Variants in DEUP1 observed in about 807,000 individuals in gnomAD.
DEUP1 encodes the protein deuterosome assembly protein 1.
A neutral mutation model predicts 87.4 loss-of-function variants in DEUP1; 82 were observed. The ratio of observed to expected loss-of-function variants is 0.94; its 90% CI spans 0.78 to 1.13. The LOEUF (loss-of-function observed/expected upper bound fraction) is 1.13. DEUP1 is among the 50% of genes most tolerant of loss of function. The probability of loss-of-function intolerance (pLI) is 0.00; values close to 1 mark genes in which losing one functional copy is unlikely to be tolerated. For missense variants in DEUP1, 663 were observed against 681.5 expected (o/e 0.97, Z 0.30); for synonymous variants, 214 against 222.7 (o/e 0.96, Z 0.35).
At chr11:93,402,570 G>A (rs554221735) in intron 11 of DEUP1, among the ~76,000 whole-genome samples, 52 of 152,132 alleles carry the variant, frequency 3.4e-4, no homozygotes, top group African/African-American at 1.1e-3. Flanking sequence ...GTTTATTGCA[G>A]CATTATTTTC....
At chr11:93,415,828 C>T (rs1345772945) in intron 13 of DEUP1, among the ~76,000 whole-genome samples, 1 of 151,618 alleles carries the variant, frequency 6.6e-6, no homozygotes, top group Non-Finnish European at 1.5e-5. Flanking sequence ...ATTTTTGTTT[C>T]TCTATACTAA....
intron 7 of DEUP1, among the ~76,000 whole-genome samples, chr11:93,382,729 CCTT>C (rs1459412626): frequency 6.6e-6 from 1 of 152,146 alleles, no homozygotes; most frequent in Non-Finnish European, 1.5e-5. Flanking sequence ...CCACATAGTG[CCTT>C]CTTCAACTGG....
chr11:93,400,558 A>T (rs528155318), intron 11 of DEUP1, among the ~76,000 whole-genome samples: 1 of 152,248 alleles, frequency 6.6e-6, no homozygotes, highest in African/African-American at 2.4e-5. Context: ...TTTACACTAT[A>T]AAGACCCTAT....
At chr11:93,432,467 A>G (rs1948133094) in intron 13 of DEUP1, among the ~76,000 whole-genome samples, 1 of 152,208 alleles carries the variant, frequency 6.6e-6, no homozygotes, top group African/African-American at 2.4e-5. Context: ...TTCACTGACC[A>G]CATGATATTT....
chr11:93,415,180 C>G (rs960722262), intron 13 of DEUP1, 66 bp downstream of exon 13: 2 of 924,042 alleles, frequency 2.2e-6, no homozygotes, highest in Admixed American at 2.0e-5. Context: ...ACACTGATGT[C>G]AATAAACTGA....
intron 13 of DEUP1, among the ~76,000 whole-genome samples, chr11:93,436,226 A>G (rs1192915911): frequency 6.6e-6 from 1 of 152,148 alleles, no homozygotes; most frequent in East Asian, 1.9e-4. Context: ...TCCCTTTAAC[A>G]TACTTGCCAC....
intron 13 of DEUP1, among the ~76,000 whole-genome samples, chr11:93,417,984 A>G (rs1029671865): frequency 1.3e-5 from 2 of 151,806 alleles, no homozygotes; most frequent in African/African-American, 4.8e-5. Flanking sequence ...CCATATGTAG[A>G]AAGCTGAAAC....
chr11:93,367,607 A>AT (rs1383857822), intron 5 of DEUP1, among the ~76,000 whole-genome samples: 5 of 152,070 alleles, frequency 3.3e-5, no homozygotes, highest in African/African-American at 7.2e-5. Context: ...ATATTCCTTG[A>AT]TTTTTTCTTT....
At chr11:93,403,677 T>C (rs1394661354) in intron 11 of DEUP1, among the ~76,000 whole-genome samples, 1 of 151,768 alleles carries the variant, frequency 6.6e-6, no homozygotes, top group African/African-American at 2.4e-5. Context: ...AATTTTATTA[T>C]TTTTAGTTTC....
chr11:93,389,500 G>T (rs370317551), intron 9 of DEUP1, among the ~76,000 whole-genome samples: 1 of 151,998 alleles, frequency 6.6e-6, no homozygotes, highest in African/African-American at 2.4e-5. Flanking sequence ...GAAATAATTG[G>T]TACCTACCTC....
Position 93,346,766 on chromosome 11 carries a change from G to A in DEUP1, c.30-8605G>A, listed in dbSNP as rs184850022. 2.9e-4 allele frequency among the ~76,000 whole-genome samples: 44 copies of A among 152,182 alleles called. 1 individual carries two copies. The highest frequency in any genetic ancestry group is 2.5e-3 in the Admixed American group (38 of 15,280). On this transcript the variant is annotated intron_variant, in intron 2 of 13. Transcript: ENST00000298050. ...ATTGTAGAGATCTTCCAGTTCCCTC[G>A]TGAGCTGTATTCCTAAGTATTTTAT...
At chr11:93,340,842 C>A (rs1944032055) in intron 2 of DEUP1, among the ~76,000 whole-genome samples, 1 of 152,162 alleles carries the variant, frequency 6.6e-6, no homozygotes, top group South Asian at 2.1e-4. Context: ...GGAGAAAATG[C>A]AAGCTTGGTT....
At chr11:93,372,933 T>G (rs1286853877) in intron 7 of DEUP1, among the ~76,000 whole-genome samples, 1 of 152,236 alleles carries the variant, frequency 6.6e-6, no homozygotes, top group Non-Finnish European at 1.5e-5. Flanking sequence ...CACCTCCGAC[T>G]GTCTGAGCTG....
chr11:93,414,920 C>G, intron 12 of DEUP1, 80 bp from the exon 13 acceptor site: 1 of 739,812 alleles, frequency 1.4e-6, no homozygotes, highest in Non-Finnish European at 2.1e-6. Context: ...ACTTGGACAT[C>G]TGAGAGATTA....
At chr11:93,382,902 T>C (rs902411911) in intron 7 of DEUP1, among the ~76,000 whole-genome samples, 9 of 152,216 alleles carry the variant, frequency 5.9e-5, no homozygotes, top group African/African-American at 1.9e-4. Flanking sequence ...TCCAAACAAG[T>C]CTATTAAGTC....
chr11:93,370,202 C>A lies in DEUP1; in HGVS notation c.546+16C>A. 2 of 1,258,084 alleles carry A rather than the reference C, an allele frequency of 1.6e-6. No homozygotes were observed. The highest frequency in any genetic ancestry group is 2.3e-6 in the Non-Finnish European group (2 of 876,270). 77.9% of individuals were successfully genotyped at this position (1,258,084 alleles called of 1,614,324 possible). A position where few individuals can be genotyped will look rare whatever the true frequency, so the allele number is the denominator to read the frequency against. On this transcript the variant is annotated intron_variant, in intron 6 of 13. Transcript: ENST00000298050. Reference sequence around the variant, plus strand: ...TCAGTTTCAGGTAAGTTATCTAATACTATTCTCTAAATCAAAAGCAGAAGT... The same window carrying A: ...TCAGTTTCAGGTAAGTTATCTAATAATATTCTCTAAATCAAAAGCAGAAGT...
rs934120318 is a variant in DEUP1, at chr11:93,415,081, T to G, written c.1605T>G (p.Ser535Arg). 3 of 1,610,162 alleles carry G rather than the reference T, an allele frequency of 1.9e-6. No individual in the cohort carries two copies. The highest frequency in any genetic ancestry group is 4.5e-5 in the East Asian group (2 of 44,824). The change falls in exon 13 of 14, where the codon AGT becomes AGG. Residue 535 changes from serine (S) to arginine (R), a missense_variant. Ser to Arg is a moderately radical substitution (Grantham distance 110). Transcript: ENST00000298050. ...CATTTCAAGCCAAAGAAATGACAAG[T>G]CCTTTGGTTAGTGATGATGATGTAT... ...PSTFQAKEMT[S>R]PLVSDDDVFP... is the part of the protein sequence containing the mutation.
chr11:93,405,421 A>G (rs995321896), intron 11 of DEUP1, among the ~76,000 whole-genome samples: 1 of 152,062 alleles, frequency 6.6e-6, no homozygotes, highest in Non-Finnish European at 1.5e-5. Flanking sequence ...CTTAATAAGC[A>G]GAGAAATACC....
Position 93,381,709 on chromosome 11 carries a change from G to A in DEUP1, c.790-3689G>A, listed in dbSNP as rs541374914. ...GTTTGCTTGTTAATGTGTCATTAAGGTGCTAGAGCAACATTGTCCAGTAGT... is the reference window on the plus strand; with the variant it reads ...GTTTGCTTGTTAATGTGTCATTAAGATGCTAGAGCAACATTGTCCAGTAGT... On this transcript the variant is annotated intron_variant, in intron 7 of 13. Transcript: ENST00000298050. Among the ~76,000 whole-genome samples the A allele has an allele frequency of 2.6e-5, 4 of 152,176 alleles. No individual in the cohort carries two copies. In the South Asian group the frequency reaches 8.3e-4, roughly 31 times the overall value.
Sources: allele counts gnomAD v4.1 joint callset (sites outside exome capture counted in the v4.1 genomes callset), GRCh38; gene constraint gnomAD v4.1.1; transcripts MANE v1.5; gene names NCBI Gene and HGNC (gene_info 2026-07-23, HGNC 2026-07-21).